PRKN: variants seen among roughly 807,000 people sequenced by gnomAD.
The protein encoded by PRKN is E3 ubiquitin-protein ligase parkin.
PRKN carries 56 observed loss-of-function variants against 59.5 expected under a neutral mutation model. The observed-to-expected ratio is 0.94, with a 90% CI of 0.76 to 1.18. The LOEUF (loss-of-function observed/expected upper bound fraction) is 1.18, where lower values mean the gene tolerates loss of function less well. Ranked by LOEUF, PRKN falls within the 50% of genes most tolerant of loss-of-function variation. PRKN has a pLI of 0.00. For synonymous variants in PRKN, 250 were observed against 222.1 expected, an observed-to-expected ratio of 1.13 and a Z score of -1.12; for missense variants, 657 against 596.4, an observed-to-expected ratio of 1.10 and a Z score of -1.06.
intron 7 of PRKN, among the ~76,000 whole-genome samples, chr6:161,646,195 T>C (rs9346873): frequency 0.19 from 3,155 of 16,314 alleles, 495 homozygotes; most frequent in East Asian, 0.35. Flanking sequence ...GCGTGCGTGG[T>C]GGAGGAGGCG....
intron 1 of PRKN, among the ~76,000 whole-genome samples, chr6:162,619,460 G>A (rs895799866): frequency 1.3e-5 from 2 of 152,026 alleles, no homozygotes; most frequent in African/African-American, 4.8e-5. Context: ...ATAGCATGGG[G>A]ATCTCATTCT....
At chr6:162,195,383 T>A (rs1396218909) in intron 4 of PRKN, among the ~76,000 whole-genome samples, 2 of 152,208 alleles carry the variant, frequency 1.3e-5, no homozygotes, top group South Asian at 4.1e-4. Flanking sequence ...TACATAAATG[T>A]GAGAGTAATT....
chr6:162,522,488 T>A (rs564861689), intron 1 of PRKN, among the ~76,000 whole-genome samples: 7 of 152,372 alleles, frequency 4.6e-5, no homozygotes, highest in Admixed American at 3.9e-4. Flanking sequence ...GTCTATACCA[T>A]CATGATAAAG....
intron 6 of PRKN, among the ~76,000 whole-genome samples, chr6:161,943,484 A>G (rs188004481): frequency 6.6e-6 from 1 of 152,386 alleles, no homozygotes; most frequent in East Asian, 1.9e-4. Context: ...TTGAAGGAAT[A>G]TAACAGTTTA....
chr6:162,504,330 T>C (rs1266748800), intron 1 of PRKN, among the ~76,000 whole-genome samples: 1 of 152,140 alleles, frequency 6.6e-6, no homozygotes, highest in Admixed American at 6.5e-5. Flanking sequence ...GCCATGACCC[T>C]GGAAGACACA....
intron 9 of PRKN, among the ~76,000 whole-genome samples, chr6:161,490,377 C>T (rs1777508160): frequency 1.6e-5 from 2 of 126,924 alleles, no homozygotes; most frequent in African/African-American, 3.0e-5. Flanking sequence ...CTCTCTCTTT[C>T]TTTCTTTCCT....
intron 7 of PRKN, among the ~76,000 whole-genome samples, chr6:161,723,667 C>T (rs1191337389): frequency 1.3e-5 from 2 of 152,174 alleles, no homozygotes; most frequent in Admixed American, 1.3e-4. Flanking sequence ...ATGAGTCTAT[C>T]ACTTTACACC....
At chr6:162,318,500 G>C (rs924449748) in intron 2 of PRKN, among the ~76,000 whole-genome samples, 10 of 152,026 alleles carry the variant, frequency 6.6e-5, no homozygotes, top group African/African-American at 1.2e-4. Flanking sequence ...AAATTGCTGG[G>C]TGATCATCTA....
chr6:162,632,428 G>T (rs761028847), intron 1 of PRKN, among the ~76,000 whole-genome samples: 15 of 152,054 alleles, frequency 9.9e-5, no homozygotes, highest in Non-Finnish European at 1.5e-4. Context: ...AATACTGCAC[G>T]TTTCACTTAT....
chr6:162,289,655 C>A (rs956513033), intron 2 of PRKN, among the ~76,000 whole-genome samples: 1 of 150,426 alleles, frequency 6.6e-6, no homozygotes, highest in Admixed American at 6.7e-5. Context: ...CGAGATAACT[C>A]TAGCCTCAGC....
chr6:162,269,858 A>C (rs1000741051), intron 2 of PRKN, among the ~76,000 whole-genome samples: 7 of 152,204 alleles, frequency 4.6e-5, no homozygotes, highest in African/African-American at 1.7e-4. Flanking sequence ...ATAATAAAAA[A>C]ATCGAAAACA....
chr6:161,833,504 C>A (rs1231944305), intron 6 of PRKN, among the ~76,000 whole-genome samples: 1 of 152,186 alleles, frequency 6.6e-6, no homozygotes, highest in African/African-American at 2.4e-5. Flanking sequence ...GGACCATTAG[C>A]ATTTTTTTTT....
intron 2 of PRKN, among the ~76,000 whole-genome samples, chr6:162,417,633 A>G (rs1270587349): frequency 6.6e-6 from 1 of 152,222 alleles, no homozygotes. Context: ...ACCCTTTGAA[A>G]TTAAAGCGCT....
chr6:162,429,902 G>A (rs1453591981), intron 2 of PRKN, among the ~76,000 whole-genome samples: 1 of 152,020 alleles, frequency 6.6e-6, no homozygotes, highest in African/African-American at 2.4e-5. Context: ...TCCTCTTCCC[G>A]GTATCACCTT....
At chr6:162,125,380 G>A (rs1463666554) in intron 4 of PRKN, among the ~76,000 whole-genome samples, 1 of 152,094 alleles carries the variant, frequency 6.6e-6, no homozygotes, top group East Asian at 1.9e-4. Context: ...GTTCTTCACT[G>A]GCGCAGAACT....
chr6:161,708,587 ATACT>A (rs1397363460), intron 7 of PRKN, among the ~76,000 whole-genome samples: 4 of 152,152 alleles, frequency 2.6e-5, no homozygotes, highest in African/African-American at 4.8e-5. Flanking sequence ...CTTTCAACAG[ATACT>A]TACTATATTT....
chr6:161,557,588 A>G (rs1393394024), intron 8 of PRKN, among the ~76,000 whole-genome samples: 2 of 152,166 alleles, frequency 1.3e-5, no homozygotes, highest in African/African-American at 4.8e-5. Context: ...CTGAAACACC[A>G]TCCAAAAGGC....
intron 4 of PRKN, among the ~76,000 whole-genome samples, chr6:162,132,119 A>G (rs915796498): frequency 3.9e-5 from 6 of 152,208 alleles, no homozygotes; most frequent in Non-Finnish European, 7.3e-5. Flanking sequence ...GGACACAGAG[A>G]GGAGAAAGAA....
At chr6:161,945,271 T>A (rs1230519578) in intron 6 of PRKN, among the ~76,000 whole-genome samples, 1 of 152,056 alleles carries the variant, frequency 6.6e-6, no homozygotes, top group African/African-American at 2.4e-5. Context: ...AGAAAAAAAA[T>A]TGGGTTACCA....
Sources: gnomAD v4.1 joint callset for allele counts (sites outside exome capture counted in the v4.1 genomes callset) on GRCh38, gnomAD v4.1.1 for gene constraint, MANE v1.5 for transcripts, NCBI Gene and HGNC (gene_info 2026-07-23, HGNC 2026-07-21) for gene names.